The following SAMD11 variants were observed in gnomAD, a reference collection of about 807,000 sequenced individuals.
The protein encoded by SAMD11 is sterile alpha motif domain containing 11.
In SAMD11, 77 loss-of-function variants were observed where a neutral mutation model predicts 64.4. The observed-to-expected ratio is 1.20, with a 90% confidence interval of 0.99 to 1.44. SAMD11 has a LOEUF of 1.44. Among genes scored for constraint, SAMD11 ranks in the 40% most tolerant of loss-of-function variants. The probability of loss-of-function intolerance (pLI) is 0.00; values close to 1 mark genes in which losing one functional copy is unlikely to be tolerated. For synonymous variants in SAMD11, 658 were observed against 421.9 expected (o/e 1.56, Z -6.86); for missense variants, 1,402 against 943.3 (o/e 1.49, Z -6.37).
At chr1:926,301 G>A (rs1640887194) in intron 2 of SAMD11, among the ~76,000 whole-genome samples, 1 of 152,246 alleles carries the variant, frequency 6.6e-6, no homozygotes, top group African/African-American at 2.4e-5. Context: ...TTATCCTCGA[G>A]TCCTGGGTCA....
rs1455551356 is a variant in SAMD11 at position 944,523 on chromosome 1, C to G, written c.*370C>G. 1 of 626,464 alleles carries G rather than the reference C, an allele frequency of 1.6e-6. No homozygotes were observed. Among genetic ancestry groups the G allele is most frequent in the East Asian group, 3.0e-5 (1 of 33,850 alleles). The allele number at this position is 626,464 out of a possible 1,614,324, so 38.8% of individuals were successfully genotyped here. Reference sequence around the variant, plus strand: ...GCAGCCACACCAGCCCAGCCCAGCCCAGCTCTCGATACGTTTGGTCTTTCA... The same window carrying G: ...GCAGCCACACCAGCCCAGCCCAGCCGAGCTCTCGATACGTTTGGTCTTTCA... On this transcript the variant is annotated 3_prime_UTR_variant, in exon 14 of 14. Coordinates refer to ENST00000616016, the MANE Select transcript of SAMD11 (RefSeq NM_001385641.1).
At chr1:935,204 C>T (rs1360558201) in intron 4 of SAMD11, among the ~76,000 whole-genome samples, 2 of 152,120 alleles carry the variant, frequency 1.3e-5, no homozygotes, top group African/African-American at 2.4e-5. Context: ...GGGGGGACAG[C>T]GGGAGGTTGG....
chr1:942,367 C>T, intron 9 of SAMD11, 43 bp from the exon 10 acceptor site: 2 of 1,240,040 alleles, frequency 1.6e-6, no homozygotes, highest in Non-Finnish European at 2.2e-6. Context: ...CGGCTCGGAC[C>T]GCCTCGGACC....
intron 12 of SAMD11, 119 bp from the exon 13 acceptor site, chr1:943,579 C>G: frequency 9.1e-7 from 1 of 1,093,638 alleles, no homozygotes; most frequent in East Asian, 2.7e-5. Flanking sequence ...CACTCAAACC[C>G]AACAGATCAC....
intron 2 of SAMD11, among the ~76,000 whole-genome samples, chr1:928,197 T>G (rs529805165): frequency 5.3e-5 from 8 of 151,690 alleles, no homozygotes; most frequent in East Asian, 2.0e-4. Context: ...ATCGAGACCA[T>G]CCTGACTAAC....
At chr1:938,962 C>A in intron 5 of SAMD11, 78 bp from the exon 6 acceptor site, 1 of 1,316,304 alleles carries the variant, frequency 7.6e-7, no homozygotes, top group South Asian at 1.3e-5. Context: ...TGGGTGCGGT[C>A]CAGGCTGAGC....
At chr1:926,416 T>C (rs1336078905) in intron 2 of SAMD11, among the ~76,000 whole-genome samples, 1 of 152,218 alleles carries the variant, frequency 6.6e-6, no homozygotes, top group African/African-American at 2.4e-5. Flanking sequence ...GGTGTGATTC[T>C]GGGACGACAG....
At chr1:931,332 C>T (rs1326257431) in intron 4 of SAMD11, among the ~76,000 whole-genome samples, 1 of 152,218 alleles carries the variant, frequency 6.6e-6, no homozygotes, top group Non-Finnish European at 1.5e-5. Context: ...CTCTCGGCAG[C>T]AGCTCAGGTG....
At chr1:936,743 C>T (rs562796637) in intron 5 of SAMD11, among the ~76,000 whole-genome samples, 22 of 152,320 alleles carry the variant, frequency 1.4e-4, no homozygotes, top group African/African-American at 4.8e-4. Flanking sequence ...TCCGCGTCCT[C>T]GTGCACCTAG....
chr1:942,322 A>C, intron 9 of SAMD11, 71 bp downstream of exon 9: 1 of 1,068,842 alleles, frequency 9.4e-7, no homozygotes, highest in Non-Finnish European at 1.3e-6. Context: ...CCCCTGTCGG[A>C]GCCGAGACGG....
intron 9 of SAMD11, 35 bp from the exon 10 acceptor site, chr1:942,375 A>AC (rs547761589): frequency 1.1e-5 from 14 of 1,255,952 alleles, no homozygotes; most frequent in Middle Eastern, 5.4e-4. Flanking sequence ...ACCGCCTCGG[A>AC]CCCCCCGACC....
rs1642016816 is a variant in SAMD11 at position 944,308 on chromosome 1, CAA to C, written c.*157_*158del. On this transcript the variant is annotated 3_prime_UTR_variant, in exon 14 of 14. Transcript: ENST00000616016. ...ACTTCAAAGGAAAGGAACAAATTTT[CAA>C]AGACTTGGGGGAGTGAAGGCAGAGC... 1 of 1,392,634 alleles carries C rather than the reference CAA, an allele frequency of 7.2e-7. No individual in the cohort carries two copies. The highest frequency in any genetic ancestry group is 1.5e-5 in the African/African-American group (1 of 68,236). The allele number at this position is 1,392,634 out of a possible 1,614,324, so 86.3% of individuals were successfully genotyped here.
rs1377314656 is a variant in SAMD11, at chr1:924,082, G to A, written c.-350G>A. 2.0e-5 allele frequency: 3 copies of A among 149,584 alleles called. No individual in the cohort carries two copies. Among genetic ancestry groups the A allele is most frequent in the Admixed American group, 6.6e-5 (1 of 15,068 alleles). 9.3% of individuals were successfully genotyped at this position (149,584 alleles called of 1,614,324 possible). The stretch of plus-strand genomic sequence containing the variant: ...CCGGGCTCGGCCTGGCGGGTGGGTC[G>A]GCGAGCCGGGCGTGGGACTGCCCCG... On this transcript the variant is annotated 5_prime_UTR_variant, in exon 1 of 14. Transcript: ENST00000616016.
chr1:928,182 A>C (rs7417972), intron 2 of SAMD11, among the ~76,000 whole-genome samples: 132,733 of 151,540 alleles, frequency 0.88, 58,388 homozygotes, highest in South Asian at 0.93. Context: ...TCACGAGGTC[A>C]GGAGATCGAG....
rs2100359031 is a variant in SAMD11 at position 942,608 on chromosome 1, C to A, written c.1603C>A (p.Arg535Ser). ...GCGGCAGAAGGAGCTGGAGAGCGCG[C>A]GCCCACAGCTGCTGGCGCCCGAGAC... ...LLRQKELESA[R>S]PQLLAPETAL... Residue 535 changes from arginine to serine, a missense_variant, in exon 11 of 14, where the codon CGC (arginine) becomes AGC (serine). Transcript: ENST00000616016. 1 of 1,436,464 alleles carries A rather than the reference C, an allele frequency of 7.0e-7. No individual in the cohort carries two copies. The highest frequency in any genetic ancestry group is 1.4e-5 in the South Asian group (1 of 72,330). 89.0% of individuals were successfully genotyped at this position (1,436,464 alleles called of 1,614,324 possible).
Position 942,126 on chromosome 1 carries a change from C to G in SAMD11, c.1359-10C>G. On this transcript the variant is annotated splice_polypyrimidine_tract_variant and intron_variant, in intron 8 of 13. Transcript: ENST00000616016. ...GGGGGGGACGCCGCTCATTGCGCTG[C>G]CGTCCACAGGGAGCTGCCTCAGCCG... 2 of 1,132,870 alleles carry G rather than the reference C, an allele frequency of 1.8e-6. No homozygotes were observed. Among genetic ancestry groups the G allele is most frequent in the South Asian group, 1.6e-5 (1 of 62,946 alleles). The allele number at this position is 1,132,870 out of a possible 1,614,324, so 70.2% of individuals were successfully genotyped here. A position where few individuals can be genotyped will look rare whatever the true frequency, so the allele number is the denominator to read the frequency against.
chr1:926,761 T>G (rs1239213703), intron 2 of SAMD11, among the ~76,000 whole-genome samples: 2 of 152,020 alleles, frequency 1.3e-5, no homozygotes, highest in African/African-American at 4.8e-5. Flanking sequence ...AGAGGATTGA[T>G]CTGAAAAGGA....
Position 943,369 on chromosome 1 carries a change from T to C in SAMD11, c.2170T>C (p.Tyr724His). Residue 724 changes from tyrosine (Y) to histidine (H), a missense_variant, in exon 12 of 14, where the codon TAC becomes CAC. Physicochemically the swap from Tyr to His is moderately conservative, Grantham distance 83 (BLOSUM62 2). Coordinates refer to ENST00000616016, the MANE Select transcript of SAMD11 (RefSeq NM_001385641.1). ...FVGGLSGCGEYTRVFREQGID... is the reference protein window; with the variant it reads ...FVGGLSGCGEHTRVFREQGID... ...GGGGGGCCTGTCTGGCTGTGGAGAG[T>C]ACACTCGGGTAAGGGGGGGCCCCAG... 2 of 1,553,766 alleles carry C rather than the reference T, an allele frequency of 1.3e-6. No homozygotes were observed. The highest frequency in any genetic ancestry group is 1.7e-6 in the Non-Finnish European group (2 of 1,148,254).
intron 3 of SAMD11, 44 bp from the exon 4 acceptor site, chr1:930,993 CAG>C (rs1339636094): frequency 1.9e-5 from 30 of 1,592,636 alleles, no homozygotes; most frequent in Non-Finnish European, 2.2e-5. Context: ...AGGCTGGGGT[CAG>C]GGGCCTCCAG....
Sources: gnomAD v4.1 joint callset for allele counts (sites outside exome capture counted in the v4.1 genomes callset) on GRCh38, gnomAD v4.1.1 for gene constraint, MANE v1.5 for transcripts, NCBI Gene and HGNC (gene_info 2026-07-23, HGNC 2026-07-21) for gene names.